Variants in PDE4D observed in about 807,000 individuals in gnomAD.
PDE4D encodes phosphodiesterase 4D.
A neutral mutation model predicts 87.4 loss-of-function variants in PDE4D; 24 were observed. The ratio of observed to expected loss-of-function variants is 0.27; its 90% CI spans 0.20 to 0.39. The LOEUF (loss-of-function observed/expected upper bound fraction) is 0.39. Ranked by LOEUF, PDE4D falls within the 10% of genes least tolerant of loss-of-function variation. PDE4D has a pLI of 1.00. For synonymous variants in PDE4D, 384 were observed against 383.2 expected, an observed-to-expected ratio of 1.00 and a Z score of -0.02; for missense variants, 714 against 1,041.0, an observed-to-expected ratio of 0.69 and a Z score of 4.32.
chr5:59,770,765 T>C (rs1360194889), intron 1 of PDE4D, among the ~76,000 whole-genome samples: 1 of 152,132 alleles, frequency 6.6e-6, no homozygotes, highest in Admixed American at 6.5e-5. Context: ...TTCTGAAGAC[T>C]CAGTTCCATT....
intron 2 of PDE4D, among the ~76,000 whole-genome samples, chr5:60,102,241 C>CT (rs1402440090): frequency 1.3e-5 from 2 of 151,486 alleles, no homozygotes; most frequent in African/African-American, 2.4e-5. Context: ...TGTTTTTTTG[C>CT]TTTTTTGCTT....
At chr5:59,480,524 T>G (rs564128617) in intron 1 of PDE4D, among the ~76,000 whole-genome samples, 1 of 152,252 alleles carries the variant, frequency 6.6e-6, no homozygotes, top group East Asian at 1.9e-4. Context: ...TCAAGAGTGC[T>G]TCTGCTTCCC....
At chr5:59,914,119 CTTAT>C (rs1399837730) in intron 3 of PDE4D, among the ~76,000 whole-genome samples, 2 of 152,084 alleles carry the variant, frequency 1.3e-5, no homozygotes, top group Non-Finnish European at 2.9e-5. Flanking sequence ...TTTCATATAA[CTTAT>C]TTATTTAATA....
intron 1 of PDE4D, among the ~76,000 whole-genome samples, chr5:59,408,533 G>T (rs1277322300): frequency 6.6e-6 from 1 of 152,220 alleles, no homozygotes; most frequent in Admixed American, 6.5e-5. Context: ...GCATTGCCTA[G>T]TGGAACTGTG....
At chr5:60,190,184 A>C (rs531470831) in intron 1 of PDE4D, among the ~76,000 whole-genome samples, 1 of 152,364 alleles carries the variant, frequency 6.6e-6, no homozygotes, top group African/African-American at 2.4e-5. Context: ...ACAAGAATTA[A>C]ATACTCAAAA....
chr5:59,578,860 C>G (rs1276861053), intron 1 of PDE4D, among the ~76,000 whole-genome samples: 1 of 152,112 alleles, frequency 6.6e-6, no homozygotes, highest in African/African-American at 2.4e-5. Flanking sequence ...CAGAATATTT[C>G]CTTAGGGACA....
chr5:59,945,995 T>C (rs1314465282), intron 3 of PDE4D, among the ~76,000 whole-genome samples: 1 of 152,138 alleles, frequency 6.6e-6, no homozygotes, highest in Non-Finnish European at 1.5e-5. Flanking sequence ...AGAATTCAAA[T>C]CTGAGGCTGA....
At chr5:59,575,403 A>T (rs974603076) in intron 1 of PDE4D, among the ~76,000 whole-genome samples, 3 of 152,206 alleles carry the variant, frequency 2.0e-5, no homozygotes, top group African/African-American at 7.2e-5. Flanking sequence ...ACATATCTTC[A>T]AGGAAAGAAA....
At chr5:60,336,246 T>A (rs1429232130) in intron 1 of PDE4D, among the ~76,000 whole-genome samples, 1 of 152,234 alleles carries the variant, frequency 6.6e-6, no homozygotes, top group Non-Finnish European at 1.5e-5. Context: ...CTTGGAAGTT[T>A]CTTTCCTTGG....
intron 1 of PDE4D, among the ~76,000 whole-genome samples, chr5:60,474,106 A>ATATCTATATATGTG: frequency 7.9e-5 from 1 of 12,666 alleles, no homozygotes; most frequent in South Asian, 1.8e-3. Context: ...TTGAGCTGCC[A>ATATCTATATATGTG]TATATATATA....
At chr5:60,108,357 A>G (rs1319356063) in intron 2 of PDE4D, among the ~76,000 whole-genome samples, 2 of 152,060 alleles carry the variant, frequency 1.3e-5, no homozygotes, top group Non-Finnish European at 2.9e-5. Flanking sequence ...AGGAAATAAA[A>G]GAGGATACAA....
intron 2 of PDE4D, among the ~76,000 whole-genome samples, chr5:60,183,350 T>G (rs1784526751): frequency 6.6e-6 from 1 of 152,194 alleles, no homozygotes; most frequent in Non-Finnish European, 1.5e-5. Flanking sequence ...TGATTCAACT[T>G]ACGAATGAGC....
chr5:59,492,782 G>T (rs1208015687), intron 1 of PDE4D, among the ~76,000 whole-genome samples: 2 of 152,112 alleles, frequency 1.3e-5, no homozygotes, highest in African/African-American at 4.8e-5. Flanking sequence ...GGAGGCAATC[G>T]AATTATGGGG....
upstream of PDE4D, chr5:60,491,121 T>G (rs1472309803): frequency 6.6e-6 from 1 of 152,158 alleles, no homozygotes; most frequent in Admixed American, 6.5e-5. Flanking sequence ...CTGCTGACAG[T>G]TTCAATGCTG....
At chr5:59,533,060 T>C (rs530582443) in intron 1 of PDE4D, among the ~76,000 whole-genome samples, 2 of 152,356 alleles carry the variant, frequency 1.3e-5, no homozygotes, top group South Asian at 2.1e-4. Flanking sequence ...TTATTGTTTT[T>C]ATTTCCTTAA....
intron 2 of PDE4D, among the ~76,000 whole-genome samples, chr5:59,210,305 A>C (rs886944846): frequency 6.6e-6 from 1 of 152,220 alleles, no homozygotes; most frequent in South Asian, 2.1e-4. Context: ...CTGGAATAAA[A>C]GATACAAATT....
chr5:59,931,409 T>C (rs564898482), intron 3 of PDE4D, among the ~76,000 whole-genome samples: 2 of 152,326 alleles, frequency 1.3e-5, no homozygotes, highest in South Asian at 2.1e-4. Flanking sequence ...CCTGAAACTT[T>C]CTTACAGTTA....
At chr5:60,337,757 C>A (rs1215989394) in intron 1 of PDE4D, among the ~76,000 whole-genome samples, 3 of 151,824 alleles carry the variant, frequency 2.0e-5, no homozygotes, top group African/African-American at 7.3e-5. Flanking sequence ...TTTTTTCATT[C>A]TCCATAGGTT....
chr5:59,098,597 G>A (rs146646672), intron 5 of PDE4D, among the ~76,000 whole-genome samples: 69 of 150,018 alleles, frequency 4.6e-4, no homozygotes, highest in Admixed American at 1.4e-3. Context: ...CCAGCTACTC[G>A]TGAGGCTGAA....
Sources: gnomAD v4.1 joint callset for allele counts (sites outside exome capture counted in the v4.1 genomes callset) on GRCh38, gnomAD v4.1.1 for gene constraint, MANE v1.5 for transcripts, NCBI Gene and HGNC (gene_info 2026-07-23, HGNC 2026-07-21) for gene names.